ARHGEF12: variants seen among roughly 807,000 people sequenced by gnomAD.
ARHGEF12 encodes the protein Rho guanine nucleotide exchange factor 12, also known as KMT2A/ARHGEF12 fusion protein.
Under a neutral mutation model 211.2 loss-of-function variants are expected in ARHGEF12, and 66 were observed. The ratio of observed to expected loss-of-function variants is 0.31; its 90% confidence interval spans 0.26 to 0.38. The LOEUF is 0.38. Ranked by LOEUF, ARHGEF12 falls within the 10% of genes least tolerant of loss-of-function variation. The pLI, the probability that ARHGEF12 is intolerant of heterozygous loss-of-function variation, is 1.00. For synonymous variants in ARHGEF12, 592 were observed against 638.4 expected (o/e 0.93, Z 1.09); for missense variants, 1,429 against 1,869.5 (o/e 0.76, Z 4.34).
chr11:120,394,889 C>G (rs1944327825), intron 1 of ARHGEF12, among the ~76,000 whole-genome samples: 1 of 151,574 alleles, frequency 6.6e-6, no homozygotes, highest in Non-Finnish European at 1.5e-5. Context: ...GAGACCCCAT[C>G]TTTACTAAAA....
chr11:120,369,431 A>T (rs1454928483), intron 1 of ARHGEF12, among the ~76,000 whole-genome samples: 1 of 152,156 alleles, frequency 6.6e-6, no homozygotes, highest in Non-Finnish European at 1.5e-5. Context: ...ACTCGGCCAG[A>T]TCTTTTGTTT....
At chr11:120,411,569 A>C (rs1944880806) in intron 4 of ARHGEF12, 1 of 140,734 alleles carries the variant, frequency 7.1e-6, no homozygotes, top group East Asian at 2.0e-4. Context: ...TATTTATTTT[A>C]AACTTTCTTG....
At chr11:120,404,661 C>A (rs1241180466) in intron 1 of ARHGEF12, among the ~76,000 whole-genome samples, 1 of 152,146 alleles carries the variant, frequency 6.6e-6, no homozygotes, top group Non-Finnish European at 1.5e-5. Flanking sequence ...TTACCAGCAT[C>A]CCCCTGGATG....
rs770298117 is a variant in ARHGEF12, at chr11:120,446,445, A to G, written c.1388A>G (p.His463Arg). The G allele has an allele frequency of 6.2e-6, 10 of 1,613,268 alleles. No homozygotes were observed. The South Asian group carries it at 6.6e-5, about 11-fold the overall frequency. The change falls in exon 17 of 41, where the codon CAC becomes CGC. Residue 463 changes from histidine (H) to arginine (R), a missense_variant. Transcript: ENST00000397843. ...CTCATTCCTGAGGATCTGCATCGCC[A>G]CTATATCCAAACTATGCAAGAAAGA... ...PELIPEDLHR[H>R]YIQTMQERVH... is the part of the protein sequence containing the mutation.
At chr11:120,423,925 A>G (rs1312089044) in intron 6 of ARHGEF12, among the ~76,000 whole-genome samples, 2 of 152,212 alleles carry the variant, frequency 1.3e-5, no homozygotes, top group Non-Finnish European at 2.9e-5. Context: ...TGAAGATTAG[A>G]TCATGGTTGA....
chr11:120,341,295 T>C (rs942681361), intron 1 of ARHGEF12, among the ~76,000 whole-genome samples: 1 of 50,862 alleles, frequency 2.0e-5, no homozygotes, highest in Non-Finnish European at 3.8e-5. Context: ...TGACCTTAGG[T>C]GATCCACCCG....
intron 12 of ARHGEF12, among the ~76,000 whole-genome samples, 166 bp downstream of exon 12, chr11:120,437,548 T>G (rs921845175): frequency 3.0e-4 from 46 of 152,322 alleles, no homozygotes; most frequent in African/African-American, 1.1e-3. Flanking sequence ...TCAAGAGATA[T>G]TCCATGGTTT....
At chr11:120,342,004 C>T (rs934977271) in intron 1 of ARHGEF12, among the ~76,000 whole-genome samples, 2 of 152,166 alleles carry the variant, frequency 1.3e-5, no homozygotes, top group Non-Finnish European at 2.9e-5. Context: ...ATGCTTCTGT[C>T]ATTTACACTT....
chr11:120,469,442 A>G, intron 30 of ARHGEF12, 54 bp downstream of exon 30: 5 of 1,365,802 alleles, frequency 3.7e-6, no homozygotes, highest in Non-Finnish European at 5.1e-6. Context: ...CATTAAATTA[A>G]TATTACCTGG....
chr11:120,479,721 G>A (rs1178787957), intron 37 of ARHGEF12, among the ~76,000 whole-genome samples: 1 of 152,148 alleles, frequency 6.6e-6, no homozygotes, highest in East Asian at 1.9e-4. Context: ...ATCTTTTCAA[G>A]TTTAGTTTAA....
At chr11:120,439,854 T>A in intron 12 of ARHGEF12, 2 of 333,414 alleles carry the variant, frequency 6.0e-6, no homozygotes, top group Non-Finnish European at 1.1e-5. Flanking sequence ...GATAACCAAG[T>A]GTATAGTGAG....
chr11:120,430,307 T>C (rs972630577), intron 10 of ARHGEF12, among the ~76,000 whole-genome samples: 1 of 152,152 alleles, frequency 6.6e-6, no homozygotes, highest in African/African-American at 2.4e-5. Context: ...AGTTTACATA[T>C]ATACTTAGAG....
At chr11:120,347,737 A>G (rs1236441002) in intron 1 of ARHGEF12, among the ~76,000 whole-genome samples, 1 of 152,116 alleles carries the variant, frequency 6.6e-6, no homozygotes, top group African/African-American at 2.4e-5. Flanking sequence ...TAAGTTTGTC[A>G]TTTCCATGGT....
chr11:120,359,014 A>G (rs965249983), intron 1 of ARHGEF12, among the ~76,000 whole-genome samples: 17 of 152,184 alleles, frequency 1.1e-4, no homozygotes, highest in African/African-American at 4.1e-4. Context: ...CTCTGTTGGT[A>G]GGTGGACTTC....
intron 1 of ARHGEF12, among the ~76,000 whole-genome samples, chr11:120,400,529 G>T (rs1373933708): frequency 2.0e-5 from 3 of 152,064 alleles, no homozygotes; most frequent in Non-Finnish European, 4.4e-5. Context: ...AAAGTATAAG[G>T]TACTAGTAAT....
rs769359799 is a variant in ARHGEF12 at position 120,431,889 on chromosome 11, G to A, written c.902G>A (p.Arg301Gln). 36 of 1,606,990 alleles carry A rather than the reference G, an allele frequency of 2.2e-5. No homozygotes were observed. Among genetic ancestry groups the A allele is most frequent in the Non-Finnish European group, 2.8e-5 (33 of 1,177,622 alleles). The change falls in exon 11 of 41, where the codon CGG (arginine) becomes CAG (glutamine). Residue 301 changes from arginine to glutamine, a missense_variant. Arg to Gln is a conservative substitution (Grantham distance 43). Transcript: ENST00000397843. The stretch of plus-strand genomic sequence containing the variant: ...GACTGTAGCAGTGGAGATGCTTCTC[G>A]GCCCAGTAGTGACAATGCAGATGTA... ...RTDCSSGDASRPSSDNADSPK... is the reference protein window; with the variant it reads ...RTDCSSGDASQPSSDNADSPK...
intron 1 of ARHGEF12, among the ~76,000 whole-genome samples, chr11:120,387,108 G>C (rs1944057598): frequency 6.6e-6 from 1 of 151,982 alleles, no homozygotes; most frequent in African/African-American, 2.4e-5. Context: ...GGCAACCTTG[G>C]TTCATGATTC....
chr11:120,448,142 C>A, intron 19 of ARHGEF12, 92 bp from the exon 20 acceptor site: 1 of 982,990 alleles, frequency 1.0e-6, no homozygotes, highest in Non-Finnish European at 1.5e-6. Context: ...TCAATAATTC[C>A]AACCTTGGGG....
At chr11:120,430,260 A>AT (rs1325242294) in intron 10 of ARHGEF12, among the ~76,000 whole-genome samples, 3 of 152,174 alleles carry the variant, frequency 2.0e-5, no homozygotes, top group Non-Finnish European at 2.9e-5. Context: ...TTTAATCTGC[A>AT]TAACATCTCT....
Sources: allele counts gnomAD v4.1 joint callset (sites outside exome capture counted in the v4.1 genomes callset), GRCh38; gene constraint gnomAD v4.1.1; transcripts MANE v1.5; gene names NCBI Gene and HGNC (gene_info 2026-07-23, HGNC 2026-07-21).